RTL9: variants seen among roughly 807,000 people sequenced by gnomAD.
RTL9 encodes retrotransposon Gag-like protein 9.
Under a neutral mutation model 44.7 loss-of-function variants are expected in RTL9, and 19 were observed. The ratio of observed to expected loss-of-function variants is 0.42; its 90% CI spans 0.30 to 0.62. The LOEUF (loss-of-function observed/expected upper bound fraction) is 0.62, where lower values mean the gene tolerates loss of function less well. RTL9 is among the 20% of genes least tolerant of loss of function. The probability of loss-of-function intolerance (pLI) is 0.16; values close to 1 mark genes in which losing one functional copy is unlikely to be tolerated. For missense variants in RTL9, 1,105 were observed against 1,080.6 expected (o/e 1.02, Z -0.32); for synonymous variants, 407 against 398.9 (o/e 1.02, Z -0.24).
At chrX:110,364,642 T>G (rs538820387) in intron 1 of RTL9, among the ~76,000 whole-genome samples, 1 of 111,646 alleles carries the variant, frequency 9.0e-6, no homozygotes, top group South Asian at 3.8e-4. Flanking sequence ...CTGGCTAAAA[T>G]GGAAAAAATT....
In RTL9 at chrX:110,411,176, G is replaced by A. The variant is rs1451571550; in HGVS notation, c.-167-33977G>A. On this transcript the variant is annotated intron_variant, in intron 1 of 2. Transcript: ENST00000520821. ...GTGGCCTCCGACAGTGAACCTTGGCGTGGGTCAGGGAAGACTGTTCAAGTG... is the reference window on the plus strand; with the variant it reads ...GTGGCCTCCGACAGTGAACCTTGGCATGGGTCAGGGAAGACTGTTCAAGTG... Among the ~76,000 whole-genome samples, 7 of 112,107 alleles carry A rather than the reference G, an allele frequency of 6.2e-5. 1 individual carries two copies. The highest frequency in any genetic ancestry group is 5.6e-5 in the Non-Finnish European group (3 of 53,215).
rs187424810 is a variant in RTL9, at chrX:110,362,431, C to T, written c.-168+3515C>T. ...CAAATACTCTGTACTAAAACCAGAACGCTGAAATCAGTATTTTTAATTAAT... is the reference window on the plus strand; with the variant it reads ...CAAATACTCTGTACTAAAACCAGAATGCTGAAATCAGTATTTTTAATTAAT... On this transcript the variant is annotated intron_variant, in intron 1 of 2. Coordinates refer to the RTL9 transcript ENST00000520821. 3.6e-5 allele frequency among the ~76,000 whole-genome samples: 4 copies of T among 112,236 alleles called. No individual in the cohort carries two copies. In the East Asian group the frequency reaches 8.4e-4, roughly 23 times the overall value.
chrX:110,383,065 T>C (rs2068431514), intron 1 of RTL9, among the ~76,000 whole-genome samples: 1 of 111,930 alleles, frequency 8.9e-6, no homozygotes, highest in Non-Finnish European at 1.9e-5. Flanking sequence ...GATGAGAAAC[T>C]CTTGCAAAAA....
intron 1 of RTL9, among the ~76,000 whole-genome samples, chrX:110,372,098 C>G (rs1240441759): frequency 4.5e-5 from 5 of 111,489 alleles, no homozygotes; most frequent in African/African-American, 1.6e-4. Context: ...GCTATTCCCC[C>G]ACCTCTTTGA....
At chrX:110,417,520 C>A (rs2068686461), upstream of RTL9, among the ~76,000 whole-genome samples, 1 of 111,915 alleles carries the variant, frequency 8.9e-6, no homozygotes, top group South Asian at 3.8e-4. Flanking sequence ...TAGCAGTTTA[C>A]CTTGCCTACA....
chrX:110,403,265 C>T (rs914224022), intron 1 of RTL9, among the ~76,000 whole-genome samples: 2 of 112,155 alleles, frequency 1.8e-5, no homozygotes, highest in Non-Finnish European at 1.9e-5. Context: ...AATTTGTGGG[C>T]ATATTCATAG....
At chrX:110,422,878 G>C (rs2068727668) in intron 1 of RTL9, among the ~76,000 whole-genome samples, 1 of 112,393 alleles carries the variant, frequency 8.9e-6, no homozygotes, top group Non-Finnish European at 1.9e-5. Context: ...AAAAGAGATA[G>C]AGAATGCAGG....
chrX:110,417,984 T>C (rs1022604728), upstream of RTL9, among the ~76,000 whole-genome samples: 2 of 112,799 alleles, frequency 1.8e-5, no homozygotes, highest in African/African-American at 6.4e-5. Flanking sequence ...GAATTGTGCC[T>C]GCAAAAGCTT....
intron 1 of RTL9, among the ~76,000 whole-genome samples, chrX:110,439,700 G>A (rs1183827607): frequency 1.8e-5 from 2 of 111,307 alleles, no homozygotes; most frequent in Admixed American, 9.5e-5. Flanking sequence ...GGGAAAGAAC[G>A]AACAGGCATT....
At chrX:110,403,795 C>A (rs747451943) in intron 1 of RTL9, among the ~76,000 whole-genome samples, 1 of 112,441 alleles carries the variant, frequency 8.9e-6, no homozygotes, top group South Asian at 3.7e-4. Context: ...GTTTTTGCTC[C>A]AGAAATATCA....
chrX:110,454,719 G>A, intron 1 of RTL9, 55 bp downstream of exon 3: 5 of 998,360 alleles, frequency 5.0e-6, no homozygotes, highest in Non-Finnish European at 5.4e-6. Context: ...AGGAGGTCAC[G>A]ACAGGGAATA....
chrX:110,445,513 T>C (rs2068903693), intron 2 of RTL9, among the ~76,000 whole-genome samples: 1 of 111,222 alleles, frequency 9.0e-6, no homozygotes, highest in African/African-American at 3.3e-5. Context: ...TGGGGAGGGC[T>C]TCTACTTCCC....
At chrX:110,377,789 C>G (rs1242952287) in intron 1 of RTL9, among the ~76,000 whole-genome samples, 1 of 109,441 alleles carries the variant, frequency 9.1e-6, no homozygotes, top group African/African-American at 3.3e-5. Flanking sequence ...GCGGGCGGAT[C>G]ACGAGGTCAG....
At chrX:110,452,837 C>G in exon 1 of RTL9, 1 of 1,211,663 alleles carries the variant, frequency 8.3e-7, no homozygotes, top group Admixed American at 2.2e-5. Context: ...AGTCCATGAC[C>G]GCTGGAGGGA....
At chrX:110,399,886 G>A (rs191219638) in intron 1 of RTL9, among the ~76,000 whole-genome samples, 152 of 112,157 alleles carry the variant, frequency 1.4e-3, no homozygotes, top group Middle Eastern at 4.6e-3. Context: ...CATTATTAGC[G>A]AAGGCAATGA....
chrX:110,449,107 G>A (rs952504159), upstream of RTL9, among the ~76,000 whole-genome samples: 10 of 110,700 alleles, frequency 9.0e-5, no homozygotes, highest in Non-Finnish European at 1.7e-4. Context: ...GACTGAGTAA[G>A]GGGGAGAGGT....
intron 1 of RTL9, among the ~76,000 whole-genome samples, chrX:110,404,965 C>T (rs1602974383): frequency 9.0e-6 from 1 of 111,195 alleles, no homozygotes; most frequent in Admixed American, 9.6e-5. Context: ...CGGCCATTGT[C>T]ATTTCTCCTA....
At chrX:110,410,831 C>T (rs1052121179) in intron 1 of RTL9, among the ~76,000 whole-genome samples, 2 of 112,283 alleles carry the variant, frequency 1.8e-5, no homozygotes, top group African/African-American at 6.5e-5. Context: ...GCCTCCAAGC[C>T]ACAAGCTTAT....
chrX:110,399,375 C>G (rs1351446773), intron 1 of RTL9, among the ~76,000 whole-genome samples: 1 of 112,461 alleles, frequency 8.9e-6, no homozygotes, highest in Non-Finnish European at 1.9e-5. Flanking sequence ...GGTCTGGCTC[C>G]AAAGCCTAAA....
Sources: allele counts gnomAD v4.1 joint callset (sites outside exome capture counted in the v4.1 genomes callset), GRCh38; gene constraint gnomAD v4.1.1; transcripts MANE v1.5; gene names NCBI Gene and HGNC (gene_info 2026-07-23, HGNC 2026-07-21).